Variants in CNTN3 observed in about 807,000 individuals in gnomAD.
CNTN3 encodes contactin 3.
CNTN3 carries 60 observed loss-of-function variants against 119.1 expected under a neutral mutation model. The observed-to-expected ratio is 0.50, with a 90% CI of 0.41 to 0.62. The LOEUF (loss-of-function observed/expected upper bound fraction) is 0.62, where lower values mean the gene tolerates loss of function less well. Ranked by LOEUF, CNTN3 falls within the 20% of genes least tolerant of loss-of-function variation. The pLI, the probability that CNTN3 is intolerant of heterozygous loss-of-function variation, is 0.00. For synonymous variants in CNTN3, 450 were observed against 438.7 expected, an observed-to-expected ratio of 1.03 and a Z score of -0.32; for missense variants, 1,101 against 1,242.4, an observed-to-expected ratio of 0.89 and a Z score of 1.71.
At chr3:74,273,006 A>G (rs1236826459) in intron 20 of CNTN3, among the ~76,000 whole-genome samples, 1 of 152,192 alleles carries the variant, frequency 6.6e-6, no homozygotes, top group Non-Finnish European at 1.5e-5. Context: ...AAAAAATAGT[A>G]GATATATATT....
intron 11 of CNTN3, among the ~76,000 whole-genome samples, chr3:74,340,096 C>T (rs567032314): frequency 6.6e-6 from 1 of 152,120 alleles, no homozygotes; most frequent in East Asian, 1.9e-4. Flanking sequence ...GTTTACACAG[C>T]ACTTACATAT....
intron 1 of CNTN3, among the ~76,000 whole-genome samples, chr3:74,528,225 C>A (rs952336661): frequency 6.6e-6 from 1 of 151,712 alleles, no homozygotes; most frequent in Non-Finnish European, 1.5e-5. Context: ...CCTCCTTGTA[C>A]GATAATGAAG....
At chr3:74,354,926 C>G (rs902380505) in intron 11 of CNTN3, among the ~76,000 whole-genome samples, 1 of 152,032 alleles carries the variant, frequency 6.6e-6, no homozygotes, top group Non-Finnish European at 1.5e-5. Context: ...ACAGCCTCTA[C>G]CATTTAAAGA....
rs1022896900 is a variant in CNTN3 at position 74,462,758 on chromosome 3, T to C, written c.358+23698A>G. On this transcript the variant is annotated intron_variant, in intron 4 of 22. Transcript: ENST00000263665. ...ATCCTATGTTATTTCCCCTTCTAGT[T>C]TGTAAACTTCCTGAGGTTATAAGCT... 2.6e-5 allele frequency among the ~76,000 whole-genome samples: 4 copies of C among 152,268 alleles called. No homozygotes were observed. In the South Asian group the frequency reaches 8.3e-4, roughly 32 times the overall value.
chr3:74,295,556 A>G (rs1182850991), intron 18 of CNTN3, among the ~76,000 whole-genome samples: 1 of 151,488 alleles, frequency 6.6e-6, no homozygotes, highest in East Asian at 2.0e-4. Context: ...CCTTCCCTTC[A>G]TCTCATTCCT....
At chr3:74,605,029 G>T (rs1486637030) in intron 1 of CNTN3, among the ~76,000 whole-genome samples, 1 of 152,130 alleles carries the variant, frequency 6.6e-6, no homozygotes. Context: ...TCTGTAAAGT[G>T]AAATAAGCCA....
chr3:74,508,970 C>G (rs1234866666), intron 2 of CNTN3, among the ~76,000 whole-genome samples: 2 of 152,122 alleles, frequency 1.3e-5, no homozygotes. Flanking sequence ...GCCCAAGATA[C>G]AGTAAAGACA....
chr3:74,410,445 A>C (rs1470181203), intron 5 of CNTN3, among the ~76,000 whole-genome samples: 1 of 152,208 alleles, frequency 6.6e-6, no homozygotes, highest in African/African-American at 2.4e-5. Flanking sequence ...TGTTTATACC[A>C]GATGTCAGGT....
intron 20 of CNTN3, among the ~76,000 whole-genome samples, chr3:74,281,124 G>A (rs886774996): frequency 2.6e-5 from 4 of 152,102 alleles, no homozygotes; most frequent in African/African-American, 7.2e-5. Context: ...GCCTCATTGG[G>A]CATTTTAAGG....
At chr3:74,391,753 G>A (rs1217936151) in intron 5 of CNTN3, among the ~76,000 whole-genome samples, 1 of 151,944 alleles carries the variant, frequency 6.6e-6, no homozygotes, top group Non-Finnish European at 1.5e-5. Flanking sequence ...CACCTCCGGG[G>A]CTCAAGCGAT....
chr3:74,388,545 A>C, intron 5 of CNTN3, among the ~76,000 whole-genome samples: 1 of 152,186 alleles, frequency 6.6e-6, no homozygotes, highest in East Asian at 1.9e-4. Context: ...ATTTTTATAA[A>C]AAACTTCTCT....
At chr3:74,566,296 C>T (rs997315727) in intron 1 of CNTN3, among the ~76,000 whole-genome samples, 2 of 152,162 alleles carry the variant, frequency 1.3e-5, no homozygotes, top group Admixed American at 6.5e-5. Context: ...GCTGTTACCA[C>T]CCCCAGGCCA....
intron 11 of CNTN3, among the ~76,000 whole-genome samples, chr3:74,357,361 G>A (rs752717221): frequency 2.0e-5 from 3 of 151,990 alleles, no homozygotes; most frequent in Non-Finnish European, 4.4e-5. Context: ...TCGGCTCAAC[G>A]CAACCTCTGC....
intron 1 of CNTN3, among the ~76,000 whole-genome samples, chr3:74,600,218 G>T (rs913863774): frequency 6.6e-6 from 1 of 152,002 alleles, no homozygotes; most frequent in Admixed American, 6.6e-5. Context: ...AAGGTGAATA[G>T]GGGAGTTGAA....
At chr3:74,430,033 GTCT>G (rs1216649084) in intron 4 of CNTN3, among the ~76,000 whole-genome samples, 3 of 152,310 alleles carry the variant, frequency 2.0e-5, no homozygotes, top group African/African-American at 7.2e-5. Flanking sequence ...TTCAGACATT[GTCT>G]TCTTAAGTGT....
intron 5 of CNTN3, among the ~76,000 whole-genome samples, chr3:74,389,340 A>AAGAT (rs1227970358): frequency 1.3e-5 from 2 of 152,042 alleles, no homozygotes; most frequent in Non-Finnish European, 2.9e-5. Flanking sequence ...TTTTCACGGG[A>AAGAT]AGATTATGTC....
At chr3:74,418,513 T>C (rs1054250839) in intron 5 of CNTN3, among the ~76,000 whole-genome samples, 1 of 151,628 alleles carries the variant, frequency 6.6e-6, no homozygotes, top group African/African-American at 2.4e-5. Flanking sequence ...AGCTAATTTT[T>C]GTATTTTTAG....
chr3:74,587,965 T>A (rs1365055683), intron 1 of CNTN3, among the ~76,000 whole-genome samples: 3 of 152,140 alleles, frequency 2.0e-5, no homozygotes, highest in Non-Finnish European at 4.4e-5. Flanking sequence ...TTGAGATACG[T>A]CCCATCAATA....
chr3:74,463,588 G>T (rs946314843), intron 4 of CNTN3, among the ~76,000 whole-genome samples: 2 of 152,138 alleles, frequency 1.3e-5, no homozygotes, highest in Admixed American at 1.3e-4. Flanking sequence ...ACCTCATGCA[G>T]ACATATCTCA....
Sources: allele counts gnomAD v4.1 joint callset (sites outside exome capture counted in the v4.1 genomes callset), GRCh38; gene constraint gnomAD v4.1.1; transcripts MANE v1.5; gene names NCBI Gene and HGNC (gene_info 2026-07-23, HGNC 2026-07-21).